The following LARP4B variants were observed in gnomAD, a reference collection of about 807,000 sequenced individuals.
The protein encoded by LARP4B is la-related protein 4B.
A neutral mutation model predicts 89.8 loss-of-function variants in LARP4B; 12 were observed. That is an observed-to-expected ratio of 0.13 (90% CI 0.09 to 0.22). The LOEUF (loss-of-function observed/expected upper bound fraction) is 0.22. Ranked by LOEUF, LARP4B falls within the 10% of genes least tolerant of loss-of-function variation. LARP4B has a pLI of 1.00. For missense variants in LARP4B, 757 were observed against 947.7 expected (o/e 0.80, Z 2.64); for synonymous variants, 367 against 363.3 (o/e 1.01, Z -0.12).
chr10:967,304 A>G, the LARP4B span, among the ~76,000 whole-genome samples: 1 of 152,224 alleles, frequency 6.6e-6, no homozygotes, highest in African/African-American at 2.4e-5. Flanking sequence ...AGAGAGAAGT[A>G]GACATTGAAC....
chr10:814,974 G>T lies in LARP4B; in HGVS notation c.1792C>A (p.Arg598=), dbSNP rs1219721166. The T allele has an allele frequency of 4.4e-6, 7 of 1,604,508 alleles. No homozygotes were observed. The highest frequency in any genetic ancestry group is 6.0e-6 in the Non-Finnish European group (7 of 1,174,052). ...GGTAAATGAGCTGGGGAGGGGGATC[G>T]CTCGTACGTTGCTGATACAGCACAA... The part of the protein sequence containing the change: ...ASCAVSATYE[R]SPSPAHLPDD... Residue 598 remains arginine, a synonymous_variant, in exon 16 of 18, where the codon CGA becomes AGA. Transcript: ENST00000316157. The surrounding 1 kb of genome is among the most constrained non-coding windows in gnomAD (Gnocchi z 4.4).
At chr10:914,925 T>G (rs1459124041) in intron 1 of LARP4B, among the ~76,000 whole-genome samples, 1 of 151,736 alleles carries the variant, frequency 6.6e-6, no homozygotes, top group African/African-American at 2.4e-5. Context: ...AAAAAAATTG[T>G]GTGTAATCAA....
At chr10:940,422 G>A in the LARP4B span, among the ~76,000 whole-genome samples, 188 of 152,348 alleles carry the variant, frequency 1.2e-3, 1 homozygote, top group Non-Finnish European at 1.2e-3. Context: ...CCAAAGTGCT[G>A]GGATTGCAGG....
intron 1 of LARP4B, chr10:924,305 G>A (rs1837075334): frequency 6.6e-6 from 1 of 152,176 alleles, no homozygotes; most frequent in Admixed American, 6.5e-5. Flanking sequence ...TAAGGAAGCT[G>A]GCTGGTCTCA....
Position 898,253 on chromosome 10 carries a change from C to A in LARP4B, c.-39-12493G>T, listed in dbSNP as rs565722701. 1.4e-4 allele frequency among the ~76,000 whole-genome samples: 21 copies of A among 152,270 alleles called. 1 individual carries two copies. In the East Asian group the frequency reaches 3.9e-3, roughly 28 times the overall value. On this transcript the variant is annotated intron_variant, in intron 1 of 17. Coordinates refer to ENST00000316157, the MANE Select transcript of LARP4B (RefSeq NM_015155.3). ...TAGGTAATATCAAGTGTGGCTAGTACATACAGAAACTACAATCTTCACACA... is the reference window on the plus strand; with the variant it reads ...TAGGTAATATCAAGTGTGGCTAGTAAATACAGAAACTACAATCTTCACACA...
chr10:835,502 G>A (rs1833162939), intron 8 of LARP4B, among the ~76,000 whole-genome samples: 1 of 152,184 alleles, frequency 6.6e-6, no homozygotes. Flanking sequence ...TTCTGAGGTA[G>A]GATAAACTAA....
At chr10:925,572 C>T (rs1837113499) in intron 1 of LARP4B, among the ~76,000 whole-genome samples, 2 of 152,030 alleles carry the variant, frequency 1.3e-5, no homozygotes, top group Admixed American at 6.6e-5. Flanking sequence ...CTCACTCTGT[C>T]GCCCAGGCTG....
upstream of LARP4B, among the ~76,000 whole-genome samples, chr10:935,722 C>CTTTTTTTTTTTT (rs10711022): frequency 2.4e-5 from 2 of 83,916 alleles, no homozygotes; most frequent in African/African-American, 4.4e-5. Flanking sequence ...CTTTTCTTTT[C>CTTTTTTTTTTTT]TTTTTTTTTT....
the LARP4B span, chr10:972,639 T>C: frequency 2.2e-6 from 1 of 457,282 alleles, no homozygotes; most frequent in South Asian, 1.5e-5. Context: ...AAACATTCCA[T>C]TTCTATGTAA....
intron 5 of LARP4B, among the ~76,000 whole-genome samples, chr10:862,531 C>T (rs1405799015): frequency 1.3e-5 from 2 of 152,080 alleles, no homozygotes; most frequent in Non-Finnish European, 2.9e-5. Flanking sequence ...GAGGCCGAGG[C>T]GGGCAGATCA....
the LARP4B span, among the ~76,000 whole-genome samples, chr10:938,352 G>A: frequency 1.3e-5 from 2 of 151,264 alleles, no homozygotes; most frequent in African/African-American, 2.4e-5. Context: ...CCGGGTTCAC[G>A]CCATTCTCCT....
the LARP4B span, among the ~76,000 whole-genome samples, chr10:939,833 A>T: frequency 4.6e-5 from 7 of 152,090 alleles, no homozygotes; most frequent in African/African-American, 1.7e-4. Flanking sequence ...ACATATATGG[A>T]GACTTGACTT....
intron 1 of LARP4B, among the ~76,000 whole-genome samples, chr10:916,881 G>A (rs928424473): frequency 1.2e-4 from 18 of 151,924 alleles, no homozygotes; most frequent in Admixed American, 2.0e-4. Context: ...ATTTTTTGTC[G>A]AGATGGGGGT....
At chr10:824,716 G>C (rs1055901766) in intron 13 of LARP4B, among the ~76,000 whole-genome samples, 4 of 152,238 alleles carry the variant, frequency 2.6e-5, no homozygotes, top group African/African-American at 9.6e-5. Flanking sequence ...AGGGCGCCAG[G>C]CCAGCAGCCA....
intron 11 of LARP4B, among the ~76,000 whole-genome samples, chr10:826,586 C>T (rs778174328): frequency 5.3e-5 from 8 of 152,198 alleles, no homozygotes; most frequent in Non-Finnish European, 1.0e-4. Flanking sequence ...ATTGTTAAAA[C>T]AGTTCCTTTA....
At chr10:838,761 G>A (rs910232048) in intron 7 of LARP4B, among the ~76,000 whole-genome samples, 10 of 152,120 alleles carry the variant, frequency 6.6e-5, no homozygotes, top group African/African-American at 2.4e-4. Context: ...GTGCTCCTTG[G>A]TATTTATCCA....
At chr10:977,520 G>A in the LARP4B span, among the ~76,000 whole-genome samples, 3 of 151,398 alleles carry the variant, frequency 2.0e-5, no homozygotes, top group African/African-American at 7.3e-5. Flanking sequence ...GCCTGGGTCT[G>A]GGCTACAAAG....
chr10:919,339 T>C (rs1836916266), intron 1 of LARP4B, among the ~76,000 whole-genome samples: 1 of 152,110 alleles, frequency 6.6e-6, no homozygotes, highest in Non-Finnish European at 1.5e-5. Context: ...CATGGGTCGT[T>C]CAGTGGTAGA....
At chr10:908,735 G>GA (rs1054689457) in intron 1 of LARP4B, among the ~76,000 whole-genome samples, 1 of 152,196 alleles carries the variant, frequency 6.6e-6, no homozygotes, top group African/African-American at 2.4e-5. Flanking sequence ...CTTCAGGAGG[G>GA]AAAGGTCAAA....
Sources: gnomAD v4.1 joint callset for allele counts (sites outside exome capture counted in the v4.1 genomes callset) on GRCh38, gnomAD v4.1.1 for gene constraint, Gnocchi (gnomAD v3.1) non-coding constraint, MANE v1.5 for transcripts, NCBI Gene and HGNC (gene_info 2026-07-23, HGNC 2026-07-21) for gene names.